The following TPRG1 variants were observed in gnomAD, a reference collection of about 807,000 sequenced individuals.
TPRG1 encodes the protein tumor protein p63-regulated gene 1 protein.
Under a neutral mutation model 29.3 loss-of-function variants are expected in TPRG1, and 29 were observed. The ratio of observed to expected loss-of-function variants is 0.99; its 90% CI spans 0.74 to 1.35. TPRG1 has a LOEUF of 1.35. Ranked by LOEUF, TPRG1 falls within the 40% of genes most tolerant of loss-of-function variation. TPRG1 has a pLI of 0.00. For synonymous variants in TPRG1, 130 were observed against 116.8 expected (o/e 1.11, Z -0.73); for missense variants, 327 against 335.0 (o/e 0.98, Z 0.19).
chr3:189,090,063 TA>T (rs1215416616), intron 4 of TPRG1, among the ~76,000 whole-genome samples: 1 of 152,126 alleles, frequency 6.6e-6, no homozygotes, highest in African/African-American at 2.4e-5. Flanking sequence ...TGTTATTTTA[TA>T]TAGTATTTTA....
intron 1 of TPRG1, among the ~76,000 whole-genome samples, chr3:189,192,395 G>A (rs1467124368): frequency 1.3e-5 from 2 of 152,148 alleles, no homozygotes; most frequent in Non-Finnish European, 2.9e-5. Flanking sequence ...TGGTGCTAAG[G>A]ATACCATAGT....
intron 3 of TPRG1, among the ~76,000 whole-genome samples, chr3:189,021,730 G>T (rs1406124507): frequency 6.6e-6 from 1 of 152,058 alleles, no homozygotes; most frequent in Admixed American, 6.6e-5. Context: ...TCTTCTCGAG[G>T]AGTATCTTTG....
chr3:189,211,170 C>A (rs1414643231), intron 2 of TPRG1, among the ~76,000 whole-genome samples: 1 of 152,070 alleles, frequency 6.6e-6, no homozygotes, highest in African/African-American at 2.4e-5. Context: ...ATTTCAATAA[C>A]ATACTTCCAT....
At chr3:189,313,822 C>T (rs1287408443) in intron 5 of TPRG1, among the ~76,000 whole-genome samples, 1 of 152,048 alleles carries the variant, frequency 6.6e-6, no homozygotes, top group African/African-American at 2.4e-5. Context: ...TTCTAATTAA[C>T]TGAAACTGAA....
intron 5 of TPRG1, among the ~76,000 whole-genome samples, chr3:189,151,950 AC>A (rs1441107486): frequency 6.6e-6 from 1 of 152,074 alleles, no homozygotes; most frequent in Non-Finnish European, 1.5e-5. Flanking sequence ...TTAAGGACAC[AC>A]TTGTGAAATA....
intron 4 of TPRG1, among the ~76,000 whole-genome samples, chr3:189,292,625 C>G (rs1312972402): frequency 1.3e-5 from 2 of 152,160 alleles, no homozygotes; most frequent in African/African-American, 4.8e-5. Context: ...CCCTACTCTT[C>G]AAACTTATAG....
At chr3:189,108,553 G>A (rs1720096421) in intron 1 of TPRG1, among the ~76,000 whole-genome samples, 1 of 150,426 alleles carries the variant, frequency 6.6e-6, no homozygotes, top group South Asian at 2.1e-4. Context: ...TTTCGCCTCG[G>A]AACAACTGTA....
rs745431249 is a variant in TPRG1 at position 189,033,276 on chromosome 3, CT to C, written c.-463+9345del. On this transcript the variant is annotated intron_variant, in intron 4 of 10. Coordinates refer to the TPRG1 transcript ENST00000433971. ...GAACAGCTACGCAGAGTCATTATTC[CT>C]TTTTTTTTTTTTTTAATTTCTTGAG... is the stretch of plus-strand genomic sequence containing the variant. 8.7e-3 allele frequency among the ~76,000 whole-genome samples: 1,227 copies of C among 140,350 alleles called. 3 individuals carry two copies. The highest frequency in any genetic ancestry group is 0.012 in the African/African-American group (475 of 38,440). The allele number at this position is 140,350 out of a possible 152,430, so 92.1% of individuals were successfully genotyped here.
At chr3:189,021,365 G>A (rs1274654874) in intron 3 of TPRG1, among the ~76,000 whole-genome samples, 4 of 151,906 alleles carry the variant, frequency 2.6e-5, no homozygotes, top group Non-Finnish European at 5.9e-5. Context: ...TGCAGCGGCT[G>A]GTACCGGTTG....
intron 4 of TPRG1, among the ~76,000 whole-genome samples, chr3:189,053,357 T>G (rs1430377012): frequency 1.3e-5 from 2 of 152,290 alleles, no homozygotes; most frequent in East Asian, 3.9e-4. Flanking sequence ...TGAGGAAACA[T>G]AGAAATTGAC....
chr3:189,193,198 T>C (rs1731988953), intron 1 of TPRG1, among the ~76,000 whole-genome samples: 2 of 142,602 alleles, frequency 1.4e-5, no homozygotes. Context: ...TGCAGTGGCA[T>C]AATTCCATTT....
chr3:189,137,765 C>G (rs888259926), intron 3 of TPRG1, among the ~76,000 whole-genome samples: 59 of 152,084 alleles, frequency 3.9e-4, no homozygotes, highest in Admixed American at 3.3e-4. Flanking sequence ...CATCCTTCCC[C>G]CTTCTCGTGT....
At chr3:189,304,383 T>C (rs1412237255) in intron 4 of TPRG1, among the ~76,000 whole-genome samples, 1 of 152,200 alleles carries the variant, frequency 6.6e-6, no homozygotes, top group East Asian at 1.9e-4. Context: ...CTTTTTTTGA[T>C]GAACATTGCC....
intron 5 of TPRG1, among the ~76,000 whole-genome samples, chr3:189,315,154 G>T (rs577898975): frequency 6.6e-6 from 1 of 151,968 alleles, no homozygotes; most frequent in East Asian, 1.9e-4. Context: ...GCAAGATTTT[G>T]TCTCTTTAAA....
intron 4 of TPRG1, among the ~76,000 whole-genome samples, chr3:189,261,688 A>G (rs905459243): frequency 2.0e-5 from 3 of 152,190 alleles, no homozygotes; most frequent in Admixed American, 6.5e-5. Flanking sequence ...TTAGGGCTCC[A>G]GCAGAAAACC....
intron 4 of TPRG1, among the ~76,000 whole-genome samples, chr3:189,065,896 TA>T (rs1716408314): frequency 6.6e-6 from 1 of 152,094 alleles, no homozygotes; most frequent in South Asian, 2.1e-4. Context: ...ATTATCTTAA[TA>T]AAAATCCCAA....
intron 3 of TPRG1, among the ~76,000 whole-genome samples, chr3:189,224,270 C>T (rs1315226610): frequency 1.3e-5 from 2 of 152,160 alleles, no homozygotes; most frequent in South Asian, 2.1e-4. Context: ...ATCACGAGGT[C>T]AAGAGATCGA....
chr3:189,175,487 G>A (rs538965057), intron 1 of TPRG1, among the ~76,000 whole-genome samples: 2 of 152,274 alleles, frequency 1.3e-5, no homozygotes, highest in Admixed American at 1.3e-4. Flanking sequence ...GGCACAACAT[G>A]GTGTCTTTGA....
At chr3:189,078,066 C>CCTTCCTTCCTTCCT (rs1717314201) in intron 4 of TPRG1, among the ~76,000 whole-genome samples, 1 of 92,280 alleles carries the variant, frequency 1.1e-5, no homozygotes, top group Non-Finnish European at 2.1e-5. Context: ...CTTCCTTTCT[C>CCTTCCTTCCTTCCT]TCCTTTCTCT....
Sources: allele counts gnomAD v4.1 joint callset (sites outside exome capture counted in the v4.1 genomes callset), GRCh38; gene constraint gnomAD v4.1.1; transcripts MANE v1.5; gene names NCBI Gene and HGNC (gene_info 2026-07-23, HGNC 2026-07-21).